The following PSMA1 variants were observed in gnomAD, a reference collection of about 807,000 sequenced individuals.
The protein encoded by PSMA1 is proteasome 20S subunit alpha 1, also known as proteasome subunit alpha type-1.
A neutral mutation model predicts 38.4 loss-of-function variants in PSMA1; 3 were observed. That is an observed-to-expected ratio of 0.08 (90% CI 0.04 to 0.20). The LOEUF (loss-of-function observed/expected upper bound fraction) is 0.20. Among genes scored for constraint, PSMA1 ranks in the 10% least tolerant of loss-of-function variants. PSMA1 has a pLI of 1.00. For missense variants in PSMA1, 227 were observed against 325.3 expected, an observed-to-expected ratio of 0.70 and a Z score of 2.32; for synonymous variants, 101 against 107.1, an observed-to-expected ratio of 0.94 and a Z score of 0.35.
intron 7 of PSMA1, among the ~76,000 whole-genome samples, chr11:14,513,180 C>T (rs918098898): frequency 6.6e-6 from 1 of 152,116 alleles, no homozygotes; most frequent in African/African-American, 2.4e-5. Context: ...TTATGGACTA[C>T]TAATGCAGAA....
At chr11:14,611,028 C>A (rs369403360) in exon 2 of PSMA1, 22 of 1,590,762 alleles carry the variant, frequency 1.4e-5, no homozygotes, top group Admixed American at 5.0e-5. Flanking sequence ...CAACATACAA[C>A]ATAGGTCTGG....
upstream of PSMA1, chr11:14,520,581 C>T: frequency 1.0e-6 from 1 of 960,030 alleles, no homozygotes; most frequent in Non-Finnish European, 1.5e-6. Flanking sequence ...TGCGGGGCAG[C>T]CCCTGTCACG....
Position 14,578,545 on chromosome 11 carries a change from C to T in PSMA1, c.21+32421G>A, listed in dbSNP as rs539694396. On this transcript the variant is annotated intron_variant, in intron 2 of 10. Transcript: ENST00000418988. Reference sequence around the variant, plus strand: ...AATAGCTCAGGGCAGCAGTTTGCAACTCATTAATATGATGGCTTCTACTAT... The same window carrying T: ...AATAGCTCAGGGCAGCAGTTTGCAATTCATTAATATGATGGCTTCTACTAT... 1.3e-4 allele frequency among the ~76,000 whole-genome samples: 20 copies of T among 152,328 alleles called. 1 individual carries two copies. In the South Asian group the frequency reaches 3.7e-3, roughly 28 times the overall value.
intron 2 of PSMA1, among the ~76,000 whole-genome samples, chr11:14,558,494 ACT>A (rs1310632349): frequency 6.6e-6 from 1 of 152,130 alleles, no homozygotes; most frequent in Non-Finnish European, 1.5e-5. Context: ...GTTTGAAAAG[ACT>A]CTGCTTTGAG....
rs1851333171 is a variant in PSMA1, at chr11:14,511,021, C to T, written c.545-70G>A. 2.7e-6 allele frequency: 3 copies of T among 1,118,974 alleles called. No individual in the cohort carries two copies. In the Admixed American group the frequency reaches 7.2e-5, roughly 27 times the overall value. The allele number at this position is 1,118,974 out of a possible 1,614,324, so 69.3% of individuals were successfully genotyped here. On this transcript the variant is annotated intron_variant, in intron 7 of 9. Coordinates refer to ENST00000396394, the MANE Select transcript of PSMA1 (RefSeq NM_002786.4). ...GCTAGGCTTCTGTTATTTATCAAAT[C>T]TACAGTCTCAAATTGTGGTTTTTAG...
At chr11:14,585,464 T>G (rs1270289259) in intron 2 of PSMA1, among the ~76,000 whole-genome samples, 1 of 152,214 alleles carries the variant, frequency 6.6e-6, no homozygotes. Flanking sequence ...GATGAGTCAT[T>G]GCCAAATTAA....
At chr11:14,589,365 A>ATGTGTGTG (rs10641474) in intron 2 of PSMA1, among the ~76,000 whole-genome samples, 12 of 147,578 alleles carry the variant, frequency 8.1e-5, no homozygotes, top group African/African-American at 3.0e-4. Flanking sequence ...ATATATATAT[A>ATGTGTGTG]TGTGTGTGTG....
At chr11:14,573,357 T>C (rs894615329) in intron 2 of PSMA1, among the ~76,000 whole-genome samples, 1 of 152,152 alleles carries the variant, frequency 6.6e-6, no homozygotes, top group African/African-American at 2.4e-5. Flanking sequence ...GCTGGCTCAA[T>C]GTATGCAAAT....
intron 2 of PSMA1, among the ~76,000 whole-genome samples, chr11:14,532,688 C>G (rs1477877477): frequency 3.3e-5 from 5 of 151,296 alleles, no homozygotes; most frequent in African/African-American, 4.9e-5. Flanking sequence ...TGGCTCATGC[C>G]TGTAATCCCA....
chr11:14,507,531 C>A, intron 9 of PSMA1, 125 bp downstream of exon 9: 1 of 696,112 alleles, frequency 1.4e-6, no homozygotes, highest in South Asian at 1.7e-5. Context: ...CTTAATTTTC[C>A]TGTTGCCATT....
chr11:14,541,764 A>T (rs775182775), intron 2 of PSMA1, among the ~76,000 whole-genome samples: 12 of 152,246 alleles, frequency 7.9e-5, no homozygotes, highest in Non-Finnish European at 1.5e-4. Flanking sequence ...AACACATGGC[A>T]TGGAAAATTT....
intron 1 of PSMA1, among the ~76,000 whole-genome samples, chr11:14,631,416 G>T (rs201995171): frequency 2.0e-5 from 3 of 151,888 alleles, no homozygotes; most frequent in East Asian, 1.9e-4. Context: ...CCTTCATTTT[G>T]TTATATACCC....
intron 1 of PSMA1, among the ~76,000 whole-genome samples, chr11:14,637,834 A>G (rs1010218159): frequency 1.3e-5 from 2 of 152,224 alleles, no homozygotes; most frequent in Non-Finnish European, 1.5e-5. Context: ...GTAAAAAGGC[A>G]GACTTAGTTG....
At chr11:14,630,200 T>C (rs1052500832) in intron 1 of PSMA1, among the ~76,000 whole-genome samples, 4 of 152,108 alleles carry the variant, frequency 2.6e-5, no homozygotes, top group African/African-American at 9.7e-5. Context: ...TCCAACACTA[T>C]GTTGAATAGG....
intron 2 of PSMA1, among the ~76,000 whole-genome samples, chr11:14,528,250 C>A (rs1311279269): frequency 1.3e-5 from 2 of 152,046 alleles, no homozygotes; most frequent in African/African-American, 2.4e-5. Flanking sequence ...TAACGTTGAA[C>A]CCCCTTGGAC....
chr11:14,534,970 A>T lies in PSMA1; in HGVS notation c.22-15929T>A, dbSNP rs764123852. The stretch of plus-strand genomic sequence containing the variant: ...ACGCCTGTAATCCCAGCTACTCGGG[A>T]GGCTGAGGCAGGAGAATTGCTTGAA... On this transcript the variant is annotated intron_variant, in intron 2 of 10. Coordinates refer to the PSMA1 transcript ENST00000418988. This position sits in a 1 kb window ranked among gnomAD's most constrained non-coding sequence, Gnocchi z 4.5. Among the ~76,000 whole-genome samples, 3 of 152,134 alleles carry T rather than the reference A, an allele frequency of 2.0e-5. No homozygotes were observed. The highest frequency in any genetic ancestry group is 4.4e-5 in the Non-Finnish European group (3 of 68,022).
At chr11:14,632,838 T>C (rs1452794601) in intron 1 of PSMA1, among the ~76,000 whole-genome samples, 1 of 152,192 alleles carries the variant, frequency 6.6e-6, no homozygotes, top group East Asian at 1.9e-4. Flanking sequence ...TCATATTTCT[T>C]TTAATTCTTT....
At chr11:14,549,411 G>T (rs1306073652) in intron 2 of PSMA1, among the ~76,000 whole-genome samples, 1 of 152,028 alleles carries the variant, frequency 6.6e-6, no homozygotes, top group African/African-American at 2.4e-5. Flanking sequence ...AACCTAAAGA[G>T]ACATTCTTGG....
chr11:14,617,848 C>T (rs1216579446), intron 1 of PSMA1, among the ~76,000 whole-genome samples: 2 of 152,042 alleles, frequency 1.3e-5, no homozygotes, highest in Admixed American at 1.3e-4. Flanking sequence ...GGGAGCTTGG[C>T]ACATACCTTG....
Sources: allele counts gnomAD v4.1 joint callset (sites outside exome capture counted in the v4.1 genomes callset), GRCh38; gene constraint gnomAD v4.1.1; non-coding constraint Gnocchi (gnomAD v3.1); transcripts MANE v1.5; gene names NCBI Gene and HGNC (gene_info 2026-07-23, HGNC 2026-07-21).